The following MAGI2 variants were observed in gnomAD, a reference collection of about 807,000 sequenced individuals.
MAGI2 encodes membrane-associated guanylate kinase, WW and PDZ domain-containing protein 2.
A neutral mutation model predicts 133.3 loss-of-function variants in MAGI2; 35 were observed. The ratio of observed to expected loss-of-function variants is 0.26; its 90% CI spans 0.20 to 0.35. The LOEUF is 0.35. MAGI2 is among the 10% of genes least tolerant of loss of function. The pLI is 1.00. For synonymous variants in MAGI2, 729 were observed against 710.6 expected (o/e 1.03, Z -0.41); for missense variants, 1,636 against 1,863.4 (o/e 0.88, Z 2.25).
intron 2 of MAGI2, among the ~76,000 whole-genome samples, chr7:78,656,283 A>G (rs1386198128): frequency 6.6e-6 from 1 of 152,176 alleles, no homozygotes; most frequent in South Asian, 2.1e-4. Context: ...CATTGGAATC[A>G]ACCTAAGTGT....
At chr7:78,503,627 C>T (rs149098275) in intron 4 of MAGI2, among the ~76,000 whole-genome samples, 95 of 117,164 alleles carry the variant, frequency 8.1e-4, no homozygotes, top group African/African-American at 2.3e-3. Context: ...CCCTCCCACT[C>T]CTCTCCCTCC....
Position 79,060,374 on chromosome 7 carries a change from T to C in MAGI2, c.302-53168A>G, listed in dbSNP as rs1813613811. ...TATTTTTTTAAAAAAAAACTTGGTG[T>C]AATTATGTAAATGTAATAATGGTAG... On this transcript the variant is annotated intron_variant, in intron 1 of 21. Coordinates refer to ENST00000354212, the MANE Select transcript of MAGI2 (RefSeq NM_012301.4). Among the ~76,000 whole-genome samples the C allele has an allele frequency of 2.6e-5, 4 of 152,180 alleles. No homozygotes were observed. The South Asian group carries it at 8.3e-4, about 32-fold the overall frequency.
chr7:78,619,041 A>G (rs1294446913), intron 3 of MAGI2: 2 of 146,998 alleles, frequency 1.4e-5, no homozygotes. Flanking sequence ...AGAATTTCAA[A>G]TGTTCTCATC....
intron 2 of MAGI2, among the ~76,000 whole-genome samples, chr7:78,658,613 A>C (rs892004943): frequency 3.9e-5 from 6 of 152,218 alleles, no homozygotes; most frequent in African/African-American, 1.4e-4. Context: ...TAAAGAACTC[A>C]AAACTCAACA....
chr7:78,153,463 C>G (rs3807689), intron 16 of MAGI2, among the ~76,000 whole-genome samples: 1 of 151,952 alleles, frequency 6.6e-6, no homozygotes, highest in Non-Finnish European at 1.5e-5. Context: ...TATACAAATG[C>G]CATCAATTTA....
chr7:79,112,970 G>A (rs1035487190), intron 1 of MAGI2, among the ~76,000 whole-genome samples: 1 of 152,110 alleles, frequency 6.6e-6, no homozygotes, highest in Non-Finnish European at 1.5e-5. Flanking sequence ...TAAACATTGG[G>A]AACATTGAGA....
At chr7:79,275,079 C>CT (rs1279647731) in intron 1 of MAGI2, among the ~76,000 whole-genome samples, 1 of 152,064 alleles carries the variant, frequency 6.6e-6, no homozygotes, top group African/African-American at 2.4e-5. Context: ...ACAATATCCT[C>CT]TAAGTGTTGA....
intron 3 of MAGI2, among the ~76,000 whole-genome samples, chr7:78,607,843 C>T (rs977423905): frequency 1.2e-4 from 18 of 152,140 alleles, no homozygotes; most frequent in Non-Finnish European, 2.2e-4. Flanking sequence ...GGTAGCATCC[C>T]GCCTCTGGTA....
chr7:79,386,295 G>T (rs1271306656), intron 1 of MAGI2, among the ~76,000 whole-genome samples: 1 of 151,948 alleles, frequency 6.6e-6, no homozygotes, highest in African/African-American at 2.4e-5. Context: ...GAAACTGTCA[G>T]AATTTATGCC....
chr7:78,764,546 T>A (rs1824819502), intron 2 of MAGI2, among the ~76,000 whole-genome samples: 1 of 152,198 alleles, frequency 6.6e-6, no homozygotes, highest in Non-Finnish European at 1.5e-5. Context: ...TTTAATGATT[T>A]TTTCCCCCCA....
intron 2 of MAGI2, among the ~76,000 whole-genome samples, chr7:78,746,833 C>T (rs1257698170): frequency 6.6e-6 from 1 of 152,164 alleles, no homozygotes; most frequent in Non-Finnish European, 1.5e-5. Flanking sequence ...ATTCTCTCCA[C>T]TTTCACTAAG....
chr7:79,264,519 G>T (rs1390213651), intron 1 of MAGI2, among the ~76,000 whole-genome samples: 3 of 152,014 alleles, frequency 2.0e-5, no homozygotes, highest in Admixed American at 6.6e-5. Context: ...ATAAGCATAA[G>T]CTTACTACAC....
At chr7:78,306,547 A>G (rs1226909917) in intron 9 of MAGI2, among the ~76,000 whole-genome samples, 1 of 152,222 alleles carries the variant, frequency 6.6e-6, no homozygotes, top group African/African-American at 2.4e-5. Context: ...ATAAAAGACA[A>G]GCTGCCAGAT....
chr7:78,024,100 T>A (rs1428527595), intron 21 of MAGI2, among the ~76,000 whole-genome samples: 1 of 152,170 alleles, frequency 6.6e-6, no homozygotes, highest in Non-Finnish European at 1.5e-5. Flanking sequence ...CTTACCACAT[T>A]TTCACACAGC....
intron 21 of MAGI2, among the ~76,000 whole-genome samples, chr7:78,041,461 A>G (rs1252869596): frequency 6.6e-6 from 1 of 152,112 alleles, no homozygotes; most frequent in Non-Finnish European, 1.5e-5. Flanking sequence ...GGATCTCTTG[A>G]GCCCAGGAGT....
intron 2 of MAGI2, among the ~76,000 whole-genome samples, chr7:78,791,383 T>A (rs2151369425): frequency 6.6e-6 from 1 of 152,334 alleles, no homozygotes; most frequent in South Asian, 2.1e-4. Flanking sequence ...ATTAATGGTA[T>A]AATTTAGCAA....
At chr7:78,210,501 G>A (rs1787667813) in intron 10 of MAGI2, among the ~76,000 whole-genome samples, 1 of 152,138 alleles carries the variant, frequency 6.6e-6, no homozygotes. Context: ...AGTCTCATGA[G>A]TTAGATTATG....
intron 20 of MAGI2, among the ~76,000 whole-genome samples, chr7:78,118,597 A>G (rs1468877574): frequency 6.6e-6 from 1 of 152,236 alleles, no homozygotes; most frequent in African/African-American, 2.4e-5. Context: ...AGCATATGAA[A>G]AGATGCTCCA....
At chr7:79,238,094 T>C (rs6947782) in intron 1 of MAGI2, among the ~76,000 whole-genome samples, 92,652 of 152,026 alleles carry the variant, frequency 0.61, 29,596 homozygotes, top group Non-Finnish European at 0.7. Context: ...GCATTCCATT[T>C]GATTCTACTG....
Sources: allele counts gnomAD v4.1 joint callset (sites outside exome capture counted in the v4.1 genomes callset), GRCh38; gene constraint gnomAD v4.1.1; transcripts MANE v1.5; gene names NCBI Gene and HGNC (gene_info 2026-07-23, HGNC 2026-07-21).